SNX24: variants seen among roughly 807,000 people sequenced by gnomAD.
SNX24 encodes sorting nexin-24.
A neutral mutation model predicts 28.7 loss-of-function variants in SNX24; 22 were observed. That is an observed-to-expected ratio of 0.77 (90% CI 0.55 to 1.10). The LOEUF (loss-of-function observed/expected upper bound fraction) is 1.10. Among genes scored for constraint, SNX24 ranks in the 50% least tolerant of loss-of-function variants. The pLI is 0.00. For synonymous variants in SNX24, 69 were observed against 71.5 expected (o/e 0.96, Z 0.18); for missense variants, 221 against 201.1 (o/e 1.10, Z -0.60).
In SNX24 at chr5:123,008,269, T is replaced by C; in HGVS notation, c.*520T>C. 1 of 984,626 alleles carries C rather than the reference T, an allele frequency of 1.0e-6. No homozygotes were observed. The highest frequency in any genetic ancestry group is 1.2e-6 in the Non-Finnish European group (1 of 829,132). The allele number at this position is 984,626 out of a possible 1,614,324, so 61.0% of individuals were successfully genotyped here. A position where few individuals can be genotyped will look rare whatever the true frequency, so the allele number is the denominator to read the frequency against. On this transcript the variant is annotated 3_prime_UTR_variant, in exon 7 of 7. Transcript: ENST00000261369. ...ACACTGCTAAATGTGAAGATGGAAC[T>C]AAACTGGAAATTAAATTATACTGAC... is the stretch of plus-strand genomic sequence containing the variant.
At chr5:122,914,329 T>C (rs1275912663) in intron 1 of SNX24, among the ~76,000 whole-genome samples, 1 of 152,260 alleles carries the variant, frequency 6.6e-6, no homozygotes, top group Non-Finnish European at 1.5e-5. Context: ...TGCATCAATG[T>C]TCATCAAGGA....
chr5:122,910,511 A>G (rs1257493551), intron 1 of SNX24, among the ~76,000 whole-genome samples: 1 of 151,742 alleles, frequency 6.6e-6, no homozygotes, highest in African/African-American at 2.4e-5. Flanking sequence ...GTACATGTGC[A>G]CAATGTGCAG....
chr5:122,845,891 G>A (rs1447616184), intron 1 of SNX24, among the ~76,000 whole-genome samples, 198 bp downstream of exon 1: 6 of 151,882 alleles, frequency 4.0e-5, no homozygotes, highest in Admixed American at 6.5e-5. Context: ...CGGCGGCTGC[G>A]GGCGCCCCTA....
At chr5:122,866,759 A>G (rs1755738706) in intron 1 of SNX24, among the ~76,000 whole-genome samples, 1 of 152,214 alleles carries the variant, frequency 6.6e-6, no homozygotes, top group African/African-American at 2.4e-5. Context: ...CAGCCAGTAC[A>G]TAGCAGAGCA....
intron 1 of SNX24, among the ~76,000 whole-genome samples, chr5:122,847,445 TA>T (rs1003415974): frequency 6.6e-6 from 1 of 151,410 alleles, no homozygotes; most frequent in African/African-American, 2.4e-5. Flanking sequence ...AATATTTGCT[TA>T]AAAAAAATCC....
At chr5:122,853,696 C>T in intron 1 of SNX24, 2 of 411,620 alleles carry the variant, frequency 4.9e-6, no homozygotes, top group South Asian at 1.8e-5. Context: ...CAGTGTTGCC[C>T]AGGCAGGCCC....
intron 3 of SNX24, among the ~76,000 whole-genome samples, chr5:122,976,060 C>A (rs1290601371): frequency 6.6e-6 from 1 of 151,992 alleles, no homozygotes. Context: ...TTGGAATATT[C>A]ATATAGTGGA....
At chr5:122,996,079 C>G (rs775488860) in intron 3 of SNX24, among the ~76,000 whole-genome samples, 1 of 152,284 alleles carries the variant, frequency 6.6e-6, no homozygotes, top group East Asian at 1.9e-4. Flanking sequence ...TCTCTAGAAT[C>G]GGTGCAGCAA....
At chr5:123,010,095 C>T (rs985056732), downstream of SNX24, among the ~76,000 whole-genome samples, 2 of 152,182 alleles carry the variant, frequency 1.3e-5, no homozygotes, top group East Asian at 1.9e-4. Flanking sequence ...TATCAACATC[C>T]GTGGCCTTGC....
At chr5:122,917,849 G>C (rs1758248786) in intron 1 of SNX24, among the ~76,000 whole-genome samples, 1 of 152,098 alleles carries the variant, frequency 6.6e-6, no homozygotes, top group Non-Finnish European at 1.5e-5. Context: ...GGGAGGCCGA[G>C]GTGGGCGGAT....
chr5:122,916,527 A>AT (rs2150096975), intron 1 of SNX24, among the ~76,000 whole-genome samples: 1 of 152,084 alleles, frequency 6.6e-6, no homozygotes, highest in Non-Finnish European at 1.5e-5. Context: ...AGATGCTTTT[A>AT]TTCTGAGCCT....
intron 5 of SNX24, chr5:123,028,406 C>T (rs1263593823): frequency 1.1e-5 from 2 of 176,838 alleles, no homozygotes; most frequent in Non-Finnish European, 2.4e-5. Context: ...GCAACGCCCA[C>T]CTCTGCCGCA....
At chr5:122,863,222 T>C (rs891137134) in intron 1 of SNX24, among the ~76,000 whole-genome samples, 4 of 151,994 alleles carry the variant, frequency 2.6e-5, no homozygotes, top group African/African-American at 4.8e-5. Context: ...AATCCTTCCC[T>C]GGGAAGGCAA....
At chr5:122,897,560 A>G (rs1000510451) in intron 1 of SNX24, among the ~76,000 whole-genome samples, 5 of 152,246 alleles carry the variant, frequency 3.3e-5, no homozygotes, top group African/African-American at 9.6e-5. Flanking sequence ...TTTTCAGGGG[A>G]TGGAGTGGGG....
intron 3 of SNX24, among the ~76,000 whole-genome samples, chr5:122,973,090 T>C (rs1761022746): frequency 6.6e-6 from 1 of 152,242 alleles, no homozygotes; most frequent in South Asian, 2.1e-4. Context: ...GCTCCTCTGC[T>C]GAGGTCATCC....
intron 1 of SNX24, among the ~76,000 whole-genome samples, chr5:122,925,232 CTCTTCTTT>C (rs1310314489): frequency 4.8e-5 from 4 of 83,842 alleles, no homozygotes; most frequent in South Asian, 8.4e-4. Context: ...CCTTCCCTCC[CTCTTCTTT>C]TTCTCCTCCT....
chr5:123,001,359 C>G (rs1349680341), intron 4 of SNX24, 46 bp from the exon 5 acceptor site: 16 of 1,309,498 alleles, frequency 1.2e-5, no homozygotes, highest in Non-Finnish European at 1.1e-6. Flanking sequence ...AACATTGACT[C>G]AACATATGTG....
At chr5:122,893,545 T>G (rs1252252850) in intron 1 of SNX24, among the ~76,000 whole-genome samples, 4 of 152,224 alleles carry the variant, frequency 2.6e-5, no homozygotes, top group Non-Finnish European at 4.4e-5. Flanking sequence ...CATAGTTATA[T>G]ATGTAAAGTG....
intron 3 of SNX24, among the ~76,000 whole-genome samples, chr5:122,961,486 T>C (rs1760486545): frequency 6.6e-6 from 1 of 152,228 alleles, no homozygotes; most frequent in East Asian, 1.9e-4. Flanking sequence ...TTGTTCTTGT[T>C]AAAGATTGTG....
Sources: gnomAD v4.1 joint callset for allele counts (sites outside exome capture counted in the v4.1 genomes callset) on GRCh38, gnomAD v4.1.1 for gene constraint, MANE v1.5 for transcripts, NCBI Gene and HGNC (gene_info 2026-07-23, HGNC 2026-07-21) for gene names.